Variants in LPCAT1 observed in about 807,000 individuals in gnomAD.
The protein encoded by LPCAT1 is 1-acylglycerol-3-phosphate O-acyltransferase.
LPCAT1 carries 23 observed loss-of-function variants against 60.9 expected under a neutral mutation model. The observed-to-expected ratio is 0.38, with a 90% confidence interval of 0.27 to 0.53. LPCAT1 has a LOEUF of 0.53. Among genes scored for constraint, LPCAT1 ranks in the 20% least tolerant of loss-of-function variants. The pLI is 0.82. For synonymous variants in LPCAT1, 340 were observed against 301.1 expected (o/e 1.13, Z -1.34); for missense variants, 622 against 723.6 (o/e 0.86, Z 1.61).
Position 1,520,100 on chromosome 5 carries a change from G to A in LPCAT1, c.135+3610C>T, listed in dbSNP as rs113221461. 8.7e-3 allele frequency among the ~76,000 whole-genome samples: 1,332 copies of A among 152,282 alleles called. 15 individuals are homozygous for A. The highest frequency in any genetic ancestry group is 0.013 in the African/African-American group (542 of 41,564). ...AGAAGCCTGAGGAACCCCCATCCCC[G>A]TGCATGTGTGCCTGGAGGGCACCAA... On this transcript the variant is annotated intron_variant, in intron 1 of 13. Transcript: ENST00000283415.
In LPCAT1 at chr5:1,501,428, C is replaced by A. The variant is rs771968421; in HGVS notation, c.278+33G>T. 33 of 1,582,728 alleles carry A rather than the reference C, an allele frequency of 2.1e-5. No homozygotes were observed. In the Admixed American group the frequency reaches 5.4e-4, roughly 26 times the overall value. ...CACTGTTTGGCCGCGTGACCCCCCC[C>A]CAGGAGGAGAGCACGGCACACGCGC... On this transcript the variant is annotated intron_variant, in intron 2 of 13. Transcript: ENST00000283415.
intron 2 of LPCAT1, among the ~76,000 whole-genome samples, chr5:1,498,612 A>G (rs1047370743): frequency 4.6e-5 from 7 of 152,044 alleles, no homozygotes; most frequent in African/African-American, 1.7e-4. Flanking sequence ...GGACACCTGT[A>G]CACACGTACA....
At chr5:1,484,968 C>T (rs1735315720) in intron 5 of LPCAT1, among the ~76,000 whole-genome samples, 1 of 152,154 alleles carries the variant, frequency 6.6e-6, no homozygotes, top group Non-Finnish European at 1.5e-5. Context: ...TGGCACAGAC[C>T]CAGGCTCAAG....
intron 4 of LPCAT1, among the ~76,000 whole-genome samples, chr5:1,488,700 C>G (rs1735460354): frequency 6.6e-6 from 1 of 152,350 alleles, no homozygotes; most frequent in East Asian, 1.9e-4. Context: ...AACTACAGCT[C>G]CTGGAAAGCA....
At chr5:1,466,429 A>AG (rs1000840574) in intron 13 of LPCAT1, among the ~76,000 whole-genome samples, 1 of 152,160 alleles carries the variant, frequency 6.6e-6, no homozygotes, top group Non-Finnish European at 1.5e-5. Flanking sequence ...AGTGGCCTCG[A>AG]GGGCTGGGTG....
At position 1,522,856 on chromosome 5, in the gene LPCAT1, AG is replaced by A. The variant is rs1478154989; in HGVS notation, c.135+853del. On this transcript the variant is annotated intron_variant, in intron 1 of 13. Coordinates refer to ENST00000283415, the MANE Select transcript of LPCAT1 (RefSeq NM_024830.5). The surrounding 1 kb of genome is among the most constrained non-coding windows in gnomAD (Gnocchi z 6.8). ...GTAACTGTAAGCCCAGCTGGCAGCC[AG>A]GTAGCCGGAAAAGCCAGGCTGAGCC... Among the ~76,000 whole-genome samples the A allele has an allele frequency of 2.0e-5, 3 of 152,164 alleles. No homozygotes were observed. The highest frequency in any genetic ancestry group is 7.2e-5 in the African/African-American group (3 of 41,446).
chr5:1,479,590 G>C (rs767523264), intron 8 of LPCAT1, 31 bp downstream of exon 8: 1 of 1,535,892 alleles, frequency 6.5e-7, no homozygotes, highest in Non-Finnish European at 9.0e-7. Context: ...CCACTGTGAA[G>C]AGCGCTGTGT....
chr5:1,508,566 G>A lies in LPCAT1; in HGVS notation c.136-6963C>T, dbSNP rs73731801. 9.6e-3 allele frequency among the ~76,000 whole-genome samples: 1,457 copies of A among 152,236 alleles called. 33 individuals are homozygous for A. Among genetic ancestry groups the A allele is most frequent in the African/African-American group, 0.033 (1,385 of 41,534 alleles). ...CCTCAGGAGGAACCAGCCCTGCTGC[G>A]CCTCGGTCTCGGACTCCAGCCTCCA... On this transcript the variant is annotated intron_variant, in intron 1 of 13. Coordinates refer to ENST00000283415, the MANE Select transcript of LPCAT1 (RefSeq NM_024830.5).
In LPCAT1 at chr5:1,476,941, C is replaced by T. The variant is rs1007797401; in HGVS notation, c.899+463G>A. On this transcript the variant is annotated intron_variant, in intron 9 of 13. Coordinates refer to ENST00000283415, the MANE Select transcript of LPCAT1 (RefSeq NM_024830.5). The surrounding 1 kb of genome is among the most constrained non-coding windows in gnomAD (Gnocchi z 8.6). ...CATTCCCTCTTCCTAACTGCATGCA[C>T]GACAACTGTGTAAGCAGCACAAGTC... is the stretch of plus-strand genomic sequence containing the variant. 2.6e-5 allele frequency among the ~76,000 whole-genome samples: 4 copies of T among 152,126 alleles called. No homozygotes were observed. Among genetic ancestry groups the T allele is most frequent in the Non-Finnish European group, 4.4e-5 (3 of 68,016 alleles).
rs1404798222 is a variant in LPCAT1, at chr5:1,521,316, C to T, written c.135+2394G>A. The T allele has an allele frequency of 1.0e-6, 1 of 985,268 alleles. No homozygotes were observed. Among genetic ancestry groups the T allele is most frequent in the Non-Finnish European group, 1.2e-6 (1 of 829,882 alleles). 61.0% of individuals were successfully genotyped at this position (985,268 alleles called of 1,614,324 possible). A position where few individuals can be genotyped will look rare whatever the true frequency, so the allele number is the denominator to read the frequency against. On this transcript the variant is annotated intron_variant, in intron 1 of 13. Transcript: ENST00000283415. The surrounding 1 kb of genome is among the most constrained non-coding windows in gnomAD (Gnocchi z 4.3). ...ACACACAGCAGCCCCTCCCAGGCGG[C>T]AAATGCTCACAGGTAAATGCAGGTA... is the stretch of plus-strand genomic sequence containing the variant.
At position 1,523,895 on chromosome 5, in the gene LPCAT1, G is replaced by A. The variant is rs1736753609; in HGVS notation, c.-51C>T. 5 of 1,017,572 alleles carry A rather than the reference G, an allele frequency of 4.9e-6. No individual in the cohort carries two copies. The highest frequency in any genetic ancestry group is 1.7e-5 in the African/African-American group (1 of 57,496). 63.0% of individuals were successfully genotyped at this position (1,017,572 alleles called of 1,614,324 possible). ...AGCCGAGCTGCCTGGGGCGCCGAGC[G>A]GGGCCGGGGCTAGCTGGGCGCGGGT... On this transcript the variant is annotated 5_prime_UTR_variant, in exon 1 of 14. Coordinates refer to ENST00000283415, the MANE Select transcript of LPCAT1 (RefSeq NM_024830.5). The surrounding 1 kb of genome is among the most constrained non-coding windows in gnomAD (Gnocchi z 7.1).
At chr5:1,507,054 G>A (rs1485879433) in intron 1 of LPCAT1, among the ~76,000 whole-genome samples, 3 of 152,242 alleles carry the variant, frequency 2.0e-5, no homozygotes, top group Middle Eastern at 3.2e-3. Flanking sequence ...GTGGGCAGAT[G>A]TGGGGAGCGG....
intron 2 of LPCAT1, among the ~76,000 whole-genome samples, chr5:1,499,291 G>A (rs778792364): frequency 4.6e-5 from 7 of 152,186 alleles, no homozygotes; most frequent in South Asian, 2.1e-4. Context: ...CAGAGGAGGC[G>A]GGGAGCTCGG....
chr5:1,495,058 G>A lies in LPCAT1; in HGVS notation c.279-144C>T, dbSNP rs1221829538. On this transcript the variant is annotated intron_variant, in intron 2 of 13. Coordinates refer to ENST00000283415, the MANE Select transcript of LPCAT1 (RefSeq NM_024830.5). The surrounding 1 kb of genome is among the most constrained non-coding windows in gnomAD (Gnocchi z 4.7). ...TGTGGTCGCCGCCGCTGGGACATCTGCTTGAGGGAAGAAAAGACGCCGCGC... is the reference window on the plus strand; with the variant it reads ...TGTGGTCGCCGCCGCTGGGACATCTACTTGAGGGAAGAAAAGACGCCGCGC... The A allele has an allele frequency of 7.0e-6, 5 of 716,650 alleles. No homozygotes were observed. Among genetic ancestry groups the A allele is most frequent in the African/African-American group, 3.6e-5 (2 of 56,016 alleles). 44.4% of individuals were successfully genotyped at this position (716,650 alleles called of 1,614,324 possible).
At chr5:1,473,026 C>T (rs1226574752) in intron 11 of LPCAT1, among the ~76,000 whole-genome samples, 2 of 146,370 alleles carry the variant, frequency 1.4e-5, no homozygotes, top group African/African-American at 4.9e-5. Context: ...CCTTCCTTTG[C>T]CTCTGGGTGC....
At chr5:1,484,813 G>C (rs1284378137) in intron 5 of LPCAT1, among the ~76,000 whole-genome samples, 1 of 152,126 alleles carries the variant, frequency 6.6e-6, no homozygotes, top group Non-Finnish European at 1.5e-5. Context: ...GTGTGCCGCA[G>C]CTTCCCCTGT....
At chr5:1,470,511 T>C (rs1375992685) in intron 12 of LPCAT1, among the ~76,000 whole-genome samples, 3 of 152,208 alleles carry the variant, frequency 2.0e-5, no homozygotes, top group Non-Finnish European at 1.5e-5. Flanking sequence ...ACAAGGTGTG[T>C]GGCCCCTGTG....
chr5:1,518,526 G>C (rs1351646692), intron 1 of LPCAT1, among the ~76,000 whole-genome samples: 1 of 152,202 alleles, frequency 6.6e-6, no homozygotes, highest in Non-Finnish European at 1.5e-5. Flanking sequence ...ATTTTTAGTA[G>C]AGACGGGGTT....
chr5:1,518,036 G>A (rs1736558739), intron 1 of LPCAT1, among the ~76,000 whole-genome samples: 1 of 152,258 alleles, frequency 6.6e-6, no homozygotes, highest in African/African-American at 2.4e-5. Flanking sequence ...ATGGACTAAT[G>A]CAGAAGTGAA....
Sources: gnomAD v4.1 joint callset for allele counts (sites outside exome capture counted in the v4.1 genomes callset) on GRCh38, gnomAD v4.1.1 for gene constraint, Gnocchi (gnomAD v3.1) non-coding constraint, MANE v1.5 for transcripts, NCBI Gene and HGNC (gene_info 2026-07-23, HGNC 2026-07-21) for gene names.